Variants in GRIA4 observed in about 807,000 individuals in gnomAD.
GRIA4 encodes the protein glutamate ionotropic receptor AMPA type subunit 4.
GRIA4 carries 34 observed loss-of-function variants against 104.0 expected under a neutral mutation model. The ratio of observed to expected loss-of-function variants is 0.33; its 90% CI spans 0.25 to 0.44. The LOEUF is 0.44. GRIA4 is among the 20% of genes least tolerant of loss of function. GRIA4 has a pLI of 1.00. For missense variants in GRIA4, 750 were observed against 1,096.5 expected, an observed-to-expected ratio of 0.68 and a Z score of 4.46; for synonymous variants, 386 against 381.9, an observed-to-expected ratio of 1.01 and a Z score of -0.13.
chr11:105,710,471 C>A (rs12801546), intron 3 of GRIA4, among the ~76,000 whole-genome samples: 2,758 of 152,150 alleles, frequency 0.018, 29 homozygotes, highest in Non-Finnish European at 0.031. Flanking sequence ...AAAGAATTGC[C>A]ACCAGTTTTC....
intron 3 of GRIA4, among the ~76,000 whole-genome samples, chr11:105,686,914 T>G (rs748991488): frequency 1.3e-5 from 2 of 152,226 alleles, no homozygotes; most frequent in Non-Finnish European, 2.9e-5. Flanking sequence ...AATGTTTTAA[T>G]GGAGTTATTT....
At chr11:105,738,756 T>C (rs1395312328) in intron 3 of GRIA4, among the ~76,000 whole-genome samples, 1 of 152,076 alleles carries the variant, frequency 6.6e-6, no homozygotes, top group Non-Finnish European at 1.5e-5. Context: ...ACTGTAATTA[T>C]GTGACTCAGT....
At chr11:105,744,539 C>T (rs1939525035) in intron 3 of GRIA4, among the ~76,000 whole-genome samples, 1 of 152,098 alleles carries the variant, frequency 6.6e-6, no homozygotes, top group Non-Finnish European at 1.5e-5. Flanking sequence ...AGTGGTAAGG[C>T]TTGCAGTTTG....
intron 3 of GRIA4, among the ~76,000 whole-genome samples, chr11:105,691,675 G>A (rs1486194821): frequency 6.6e-6 from 1 of 151,988 alleles, no homozygotes; most frequent in East Asian, 1.9e-4. Context: ...AGTGGTTCAC[G>A]CCTGTAATCC....
intron 4 of GRIA4, among the ~76,000 whole-genome samples, chr11:105,794,514 C>CACAT (rs1942394619): frequency 2.1e-5 from 1 of 48,118 alleles, no homozygotes; most frequent in African/African-American, 7.6e-5. Flanking sequence ...TATATATATA[C>CACAT]ATATACACAC....
chr11:105,677,443 A>C (rs1952574390), intron 3 of GRIA4, among the ~76,000 whole-genome samples: 1 of 151,900 alleles, frequency 6.6e-6, no homozygotes, highest in South Asian at 2.1e-4. Context: ...AATATCAGCA[A>C]ATTAAGATGT....
intron 3 of GRIA4, among the ~76,000 whole-genome samples, chr11:105,679,057 G>GA (rs1020124319): frequency 2.6e-4 from 40 of 152,030 alleles, no homozygotes; most frequent in African/African-American, 8.9e-4. Flanking sequence ...TGTATATATA[G>GA]AAAAAAAATC....
chr11:105,615,331 C>A (rs1950574110), intron 3 of GRIA4, among the ~76,000 whole-genome samples: 1 of 151,790 alleles, frequency 6.6e-6, no homozygotes, highest in South Asian at 2.1e-4. Context: ...GCTCATAAGT[C>A]TAAACCTGAT....
At chr11:105,940,618 C>A (rs1359408316) in intron 14 of GRIA4, among the ~76,000 whole-genome samples, 1 of 152,052 alleles carries the variant, frequency 6.6e-6, no homozygotes, top group African/African-American at 2.4e-5. Context: ...TATGATGCTG[C>A]TTTAATGCAG....
At chr11:105,872,436 C>T (rs1945651050) in intron 5 of GRIA4, among the ~76,000 whole-genome samples, 1 of 152,086 alleles carries the variant, frequency 6.6e-6, no homozygotes, top group African/African-American at 2.4e-5. Flanking sequence ...GAATCATAGA[C>T]TCTCAGGTTG....
In GRIA4 at chr11:105,699,054, T is replaced by C. The variant is rs567276111; in HGVS notation, c.248-53927T>C. ...TCCTGTTTAAGAGTTTATAGACTTT[T>C]CGTCAAGTGCTCATGTCTTCCTTTG... On this transcript the variant is annotated intron_variant, in intron 3 of 16. Transcript: ENST00000282499. Among the ~76,000 whole-genome samples the C allele has an allele frequency of 2.6e-5, 4 of 152,330 alleles. No homozygotes were observed. In the South Asian group the frequency reaches 8.3e-4, roughly 32 times the overall value.
chr11:105,682,799 G>T (rs1317184222), intron 3 of GRIA4, among the ~76,000 whole-genome samples: 1 of 152,182 alleles, frequency 6.6e-6, no homozygotes, highest in Non-Finnish European at 1.5e-5. Context: ...GGAAATGACA[G>T]TTGCCTTTAC....
At chr11:105,879,700 CAA>C in intron 5 of GRIA4, among the ~76,000 whole-genome samples, 1 of 152,080 alleles carries the variant, frequency 6.6e-6, no homozygotes, top group Non-Finnish European at 1.5e-5. Context: ...TATGTTCAGA[CAA>C]GAGATTATTT....
chr11:105,712,672 GTGTTT>G (rs1175917263), intron 3 of GRIA4, among the ~76,000 whole-genome samples: 31 of 151,128 alleles, frequency 2.1e-4, no homozygotes, highest in African/African-American at 5.8e-4. Context: ...TTTCACATAG[GTGTTT>G]TGTTTTGTTT....
intron 3 of GRIA4, among the ~76,000 whole-genome samples, chr11:105,716,812 C>T (rs1286520683): frequency 2.0e-5 from 3 of 152,098 alleles, no homozygotes; most frequent in Non-Finnish European, 4.4e-5. Context: ...TCAAAAACTT[C>T]ACTCTCAGAT....
intron 3 of GRIA4, among the ~76,000 whole-genome samples, chr11:105,693,689 A>G (rs986601875): frequency 1.6e-4 from 24 of 152,144 alleles, no homozygotes; most frequent in Non-Finnish European, 1.8e-4. Context: ...TTCCTTCCTA[A>G]ATATGGATAA....
chr11:105,797,305 C>T (rs369276023), intron 4 of GRIA4, among the ~76,000 whole-genome samples: 218 of 152,124 alleles, frequency 1.4e-3, no homozygotes, highest in African/African-American at 4.8e-3. Flanking sequence ...AAGCAAAGCC[C>T]GCTAACAATA....
intron 16 of GRIA4, 114 bp downstream of exon 16, chr11:105,974,558 G>T (rs1181143508): frequency 6.2e-7 from 1 of 1,612,700 alleles, no homozygotes; most frequent in East Asian, 2.2e-5. Context: ...AAATTTAGGG[G>T]TAGGACTTAG....
At chr11:105,788,367 T>C (rs1341565661) in intron 4 of GRIA4, among the ~76,000 whole-genome samples, 1 of 152,090 alleles carries the variant, frequency 6.6e-6, no homozygotes, top group Non-Finnish European at 1.5e-5. Context: ...AAACTATCAT[T>C]TCACCCAGCA....
Sources: gnomAD v4.1 joint callset for allele counts (sites outside exome capture counted in the v4.1 genomes callset) on GRCh38, gnomAD v4.1.1 for gene constraint, MANE v1.5 for transcripts, NCBI Gene and HGNC (gene_info 2026-07-23, HGNC 2026-07-21) for gene names.